The following EFHD1 variants were observed in gnomAD, a reference collection of about 807,000 sequenced individuals.
EFHD1 encodes EF-hand domain family member D1, also known as EF-hand domain-containing protein D1.
A neutral mutation model predicts 17.2 loss-of-function variants in EFHD1; 10 were observed. That is an observed-to-expected ratio of 0.58 (90% CI 0.36 to 0.99). The LOEUF is 0.99. Ranked by LOEUF, EFHD1 falls within the 50% of genes least tolerant of loss-of-function variation. The probability of loss-of-function intolerance (pLI) is 0.01; values close to 1 mark genes in which losing one functional copy is unlikely to be tolerated. For synonymous variants in EFHD1, 153 were observed against 142.0 expected, an observed-to-expected ratio of 1.08 and a Z score of -0.55; for missense variants, 310 against 327.5, an observed-to-expected ratio of 0.95 and a Z score of 0.41.
At chr2:232,631,127 T>G (rs2106191374), upstream of EFHD1, among the ~76,000 whole-genome samples, 1 of 152,140 alleles carries the variant, frequency 6.6e-6, no homozygotes, top group East Asian at 1.9e-4. Flanking sequence ...CTTGGGAGGC[T>G]GAGGCAGGTG....
chr2:232,659,460 G>T (rs368683093), intron 1 of EFHD1, among the ~76,000 whole-genome samples: 1 of 152,100 alleles, frequency 6.6e-6, no homozygotes, highest in Non-Finnish European at 1.5e-5. Context: ...GGGCAGGGAG[G>T]GGGTGGCTGG....
At chr2:232,671,750 GAA>G (rs1559356096) in intron 2 of EFHD1, among the ~76,000 whole-genome samples, 1 of 146,922 alleles carries the variant, frequency 6.8e-6, no homozygotes, top group Non-Finnish European at 1.5e-5. Context: ...AAATAAAAAA[GAA>G]AATAAATAAA....
In EFHD1 at chr2:232,681,640, A is replaced by T; in HGVS notation, c.641A>T (p.Asp214Val). 1.9e-6 allele frequency: 3 copies of T among 1,614,248 alleles called. No individual in the cohort carries two copies. The highest frequency in any genetic ancestry group is 2.5e-6 in the Non-Finnish European group (3 of 1,180,032). The change falls in exon 4 of 4, where the codon GAT becomes GTT. Residue 214 changes from aspartate to valine, a missense_variant. Transcript: ENST00000264059. ...GAAGCAGAGTTGAAAGCTGAGCAAGATGAGCGGAAGCGGGAGGAGGAGGAG... is the reference window on the plus strand; with the variant it reads ...GAAGCAGAGTTGAAAGCTGAGCAAGTTGAGCGGAAGCGGGAGGAGGAGGAG... ...KFEAELKAEQDERKREEEERR... is the reference protein window; with the variant it reads ...KFEAELKAEQVERKREEEERR...
chr2:232,638,196 GA>G, intron 1 of EFHD1: 1 of 372,560 alleles, frequency 2.7e-6, no homozygotes, highest in Non-Finnish European at 5.4e-6. Flanking sequence ...GTCAAGGTTA[GA>G]CAGGAAATTT....
chr2:232,639,098 A>C (rs754583605), intron 1 of EFHD1, among the ~76,000 whole-genome samples: 1 of 152,124 alleles, frequency 6.6e-6, no homozygotes, highest in African/African-American at 2.4e-5. Flanking sequence ...TGGTGGGTTT[A>C]TCTTTGTAGG....
chr2:232,662,666 G>A (rs1170988578), intron 1 of EFHD1, 136 bp from the exon 2 acceptor site: 2 of 1,168,518 alleles, frequency 1.7e-6, no homozygotes, highest in African/African-American at 1.6e-5. Context: ...TTCCTCTGGA[G>A]CAGGTGACCC....
intron 1 of EFHD1, among the ~76,000 whole-genome samples, chr2:232,646,434 TTC>T: frequency 1.6e-5 from 2 of 127,266 alleles, no homozygotes; most frequent in African/African-American, 2.9e-5. Flanking sequence ...TTCTCTTCTC[TTC>T]TTTTTTTTTT....
At chr2:232,658,735 G>C (rs759377929) in intron 1 of EFHD1, among the ~76,000 whole-genome samples, 25 of 152,118 alleles carry the variant, frequency 1.6e-4, no homozygotes, top group Non-Finnish European at 3.1e-4. Context: ...GTAGTTGCTG[G>C]GGGATAGGGG....
intron 1 of EFHD1, among the ~76,000 whole-genome samples, chr2:232,646,176 G>A (rs1423930322): frequency 6.6e-6 from 1 of 152,168 alleles, no homozygotes; most frequent in Non-Finnish European, 1.5e-5. Flanking sequence ...TTGGGTTGGG[G>A]TGGGGCAATA....
chr2:232,638,601 G>A (rs1694364041), intron 1 of EFHD1: 1 of 371,030 alleles, frequency 2.7e-6, no homozygotes, highest in African/African-American at 2.1e-5. Flanking sequence ...GGAAGGCTGG[G>A]AATTTTCCAA....
At chr2:232,630,756 G>C (rs1694186324), upstream of EFHD1, among the ~76,000 whole-genome samples, 1 of 146,414 alleles carries the variant, frequency 6.8e-6, no homozygotes, top group Admixed American at 6.9e-5. Context: ...AGACCTGCCT[G>C]GGCAACATAG....
intron 1 of EFHD1, among the ~76,000 whole-genome samples, chr2:232,641,995 C>T (rs1694441049): frequency 6.6e-6 from 1 of 152,154 alleles, no homozygotes; most frequent in South Asian, 2.1e-4. Context: ...GCTGGAGCCC[C>T]GGGGTAACAC....
chr2:232,657,703 C>T (rs375920805), intron 1 of EFHD1, among the ~76,000 whole-genome samples: 2 of 150,770 alleles, frequency 1.3e-5, no homozygotes, highest in South Asian at 2.1e-4. Context: ...CCCAGCTACT[C>T]GGGAGGCCTG....
intron 1 of EFHD1, chr2:232,638,563 T>C (rs1397394802): frequency 4.7e-6 from 2 of 421,586 alleles, no homozygotes; most frequent in Non-Finnish European, 9.6e-6. Context: ...GTCTTGTCTC[T>C]AAAGGAGAGA....
intron 1 of EFHD1, chr2:232,662,002 G>A (rs1450782710): frequency 6.6e-6 from 1 of 152,482 alleles, no homozygotes; most frequent in Non-Finnish European, 1.5e-5. Context: ...GGCGGGAAAT[G>A]CTTGAAGGGA....
rs189119438 is a variant in EFHD1 at position 232,619,425 on chromosome 2, C to T, written c.14+13252C>T. On this transcript the variant is annotated intron_variant, in intron 1 of 3. Transcript: ENST00000409613. ...TCCTGGGTTCAAGTGACTTTCCTGC[C>T]TCAGCCTCTGGAGCAGCTAGGATTA... is the stretch of plus-strand genomic sequence containing the variant. 4.2e-3 allele frequency among the ~76,000 whole-genome samples: 640 copies of T among 151,346 alleles called. 5 individuals are homozygous for T. Among genetic ancestry groups the T allele is most frequent in the African/African-American group, 0.015 (611 of 41,240 alleles).
rs1693705785 is a variant in EFHD1, at chr2:232,606,074, AC to A, written c.-82del. ...AGAGCCCCGCTAAGTGCAGGCGGAT[AC>A]CCCGGCCTTGGCGGCTGCTTGCCTT... On this transcript the variant is annotated 5_prime_UTR_variant, in exon 1 of 4. Coordinates refer to the EFHD1 transcript ENST00000409613. 15 of 1,452,210 alleles carry A rather than the reference AC, an allele frequency of 1.0e-5. No homozygotes were observed. The Admixed American group carries it at 2.6e-4, about 25-fold the overall frequency. The allele number at this position is 1,452,210 out of a possible 1,614,324, so 90.0% of individuals were successfully genotyped here. A position where few individuals can be genotyped will look rare whatever the true frequency, so the allele number is the denominator to read the frequency against.
In EFHD1 at chr2:232,610,245, G is replaced by A. The variant is rs531579584; in HGVS notation, c.14+4072G>A. 8.5e-5 allele frequency among the ~76,000 whole-genome samples: 13 copies of A among 152,348 alleles called. No individual in the cohort carries two copies. The South Asian group carries it at 2.7e-3, about 32-fold the overall frequency. On this transcript the variant is annotated intron_variant, in intron 1 of 3. Coordinates refer to the EFHD1 transcript ENST00000409613. ...GCCCACCTGCCATCAGCTCCTTGTG[G>A]AGGTTGGGTGTGGGAGTGCCCCTCT...
In EFHD1 at chr2:232,671,859, C is replaced by T. The variant is rs554227359; in HGVS notation, c.451-450C>T. ...ATCACTTGAGGTCAGGAGTTTGAGA[C>T]CAACCTGGCCAACATGGCAAAACCC... is the stretch of plus-strand genomic sequence containing the variant. On this transcript the variant is annotated intron_variant, in intron 2 of 3. Transcript: ENST00000264059. 2.5e-3 allele frequency among the ~76,000 whole-genome samples: 375 copies of T among 152,240 alleles called. 2 individuals are homozygous for T. The highest frequency in any genetic ancestry group is 0.014 in the Middle Eastern group (4 of 294).
Sources: gnomAD v4.1 joint callset for allele counts (sites outside exome capture counted in the v4.1 genomes callset) on GRCh38, gnomAD v4.1.1 for gene constraint, MANE v1.5 for transcripts, NCBI Gene and HGNC (gene_info 2026-07-23, HGNC 2026-07-21) for gene names.